Variants in ACSS2 observed in about 807,000 individuals in gnomAD.
ACSS2 encodes the protein acetyl-coenzyme A synthetase, cytoplasmic.
In ACSS2, 58 loss-of-function variants were observed where a neutral mutation model predicts 90.6. The ratio of observed to expected loss-of-function variants is 0.64; its 90% CI spans 0.52 to 0.80. The LOEUF is 0.80. Ranked by LOEUF, ACSS2 falls within the 30% of genes least tolerant of loss-of-function variation. The probability of loss-of-function intolerance (pLI) is 0.00; values close to 1 mark genes in which losing one functional copy is unlikely to be tolerated. For missense variants in ACSS2, 759 were observed against 912.0 expected, an observed-to-expected ratio of 0.83 and a Z score of 2.16; for synonymous variants, 300 against 330.9, an observed-to-expected ratio of 0.91 and a Z score of 1.01.
Position 34,920,541 on chromosome 20 carries a change from T to A in ACSS2, c.975T>A (p.Gly325=). The A allele has an allele frequency of 1.2e-6, 2 of 1,613,626 alleles. No homozygotes were observed. Among genetic ancestry groups the A allele is most frequent in the Non-Finnish European group, 1.7e-6 (2 of 1,179,900 alleles). ...CCTGTTCCCCATTCTTCCCACAGGG[T>A]GTGGTTCACACAGTTGGGGGCTACA... is the stretch of plus-strand genomic sequence containing the variant. ...YTSGSTGKPK[G]VVHTVGGYML... is the part of the protein sequence containing the mutation. The change falls in exon 9 of 18, where the codon GGT becomes GGA. Residue 325 remains glycine (G), a splice_region_variant and synonymous_variant. Coordinates refer to ENST00000360596, the MANE Select transcript of ACSS2 (RefSeq NM_018677.4).
In ACSS2 at chr20:34,921,542, A is replaced by T; in HGVS notation, c.1411-2A>T. 1 of 1,614,202 alleles carries T rather than the reference A, an allele frequency of 6.2e-7. No individual in the cohort carries two copies. The highest frequency in any genetic ancestry group is 8.5e-7 in the Non-Finnish European group (1 of 1,180,030). ...CAAATTTCTCATCTCTGACTTCCCCAGGGTGGCCACATGTTGACTCCCCTT... is the reference window on the plus strand; with the variant it reads ...CAAATTTCTCATCTCTGACTTCCCCTGGGTGGCCACATGTTGACTCCCCTT... On this transcript the variant is annotated splice_acceptor_variant, in intron 11 of 17. Coordinates refer to ENST00000360596, the MANE Select transcript of ACSS2 (RefSeq NM_018677.4). LOFTEE classifies it high-confidence loss of function.
Position 34,923,448 on chromosome 20 carries a change from C to A in ACSS2, c.1657+17C>A. 1.3e-6 allele frequency: 2 copies of A among 1,583,934 alleles called. No homozygotes were observed. Among genetic ancestry groups the A allele is most frequent in the Non-Finnish European group, 1.7e-6 (2 of 1,153,054 alleles). On this transcript the variant is annotated intron_variant, in intron 14 of 17. Transcript: ENST00000360596. ...CAGGAGATGGTGAGCCTTAGCTATC[C>A]CCCTCTTGCACCTCCCACTAAGACA...
intron 1 of ACSS2, among the ~76,000 whole-genome samples, chr20:34,877,098 G>A (rs1406297998): frequency 2.0e-5 from 3 of 152,138 alleles, no homozygotes; most frequent in African/African-American, 7.2e-5. Flanking sequence ...AAGAAGTGAG[G>A]TTCCTTGAGA....
intron 8 of ACSS2, among the ~76,000 whole-genome samples, chr20:34,920,103 C>T (rs968900825): frequency 3.3e-5 from 5 of 152,174 alleles, no homozygotes; most frequent in Non-Finnish European, 4.4e-5. Flanking sequence ...CTCAATAAGT[C>T]TTTAGAAACA....
At chr20:34,910,768 T>C (rs1368805749) in intron 2 of ACSS2, among the ~76,000 whole-genome samples, 1 of 152,214 alleles carries the variant, frequency 6.6e-6, no homozygotes, top group Non-Finnish European at 1.5e-5. Flanking sequence ...CCCACTTGTA[T>C]GTATTACTTA....
upstream of ACSS2, chr20:34,876,398 G>T (rs2079906821): frequency 5.5e-6 from 2 of 362,026 alleles, no homozygotes; most frequent in Non-Finnish European, 9.7e-6. Context: ...CACTCCTTCC[G>T]GCAAGTCAGC....
intron 7 of ACSS2, among the ~76,000 whole-genome samples, chr20:34,919,106 C>T (rs545316758): frequency 6.6e-6 from 1 of 152,166 alleles, no homozygotes; most frequent in East Asian, 1.9e-4. Flanking sequence ...CTATCAGATA[C>T]TGTTCAGGTA....
In ACSS2 at chr20:34,919,522, G is replaced by A. The variant is rs180979040; in HGVS notation, c.922G>A (p.Glu308Lys). 30 of 1,612,136 alleles carry A rather than the reference G, an allele frequency of 1.9e-5. No individual in the cohort carries two copies. The highest frequency in any genetic ancestry group is 2.1e-4 in the Middle Eastern group (1 of 4,748). ...DECEPEWCDA[E>K]DPLFILYTSG... The stretch of plus-strand genomic sequence containing the variant: ...GTGTGAGCCCGAGTGGTGTGATGCC[G>A]AGGACCCACTCTTCATCCTGTACAC... The change falls in exon 8 of 18, where the codon GAG becomes AAG. Residue 308 changes from glutamate (E) to lysine (K), a missense_variant. By Grantham distance (56) the Glu-to-Lys change is moderately conservative. Coordinates refer to ENST00000360596, the MANE Select transcript of ACSS2 (RefSeq NM_018677.4).
chr20:34,921,171 G>T (rs759498841), intron 10 of ACSS2, 32 bp downstream of exon 10: 3 of 1,613,890 alleles, frequency 1.9e-6, no homozygotes, highest in African/African-American at 2.7e-5. Flanking sequence ...TGCCCTGTGG[G>T]TATCCCTCAG....
rs906425397 is a variant in ACSS2, at chr20:34,898,416, G to C, written c.375-14680G>C. Among the ~76,000 whole-genome samples, 4 of 152,114 alleles carry C rather than the reference G, an allele frequency of 2.6e-5. No individual in the cohort carries two copies. In the East Asian group the frequency reaches 5.8e-4, roughly 22 times the overall value. Reference sequence around the variant, plus strand: ...GCTAGATACAGAGTGCCAACACAAAGGTTCTCCAAGTCCCCACCAGAGTAG... The same window carrying C: ...GCTAGATACAGAGTGCCAACACAAACGTTCTCCAAGTCCCCACCAGAGTAG... On this transcript the variant is annotated intron_variant, in intron 2 of 17. Transcript: ENST00000360596.
At position 34,883,004 on chromosome 20, in the gene ACSS2, C is replaced by T; in HGVS notation, c.374+15C>T. On this transcript the variant is annotated intron_variant, in intron 2 of 17. Transcript: ENST00000360596. ...GCTTTTTACTGGTAAAAATATCTAT[C>T]TTATACTTGGTGGCAGATAAAAACA... The T allele has an allele frequency of 6.3e-7, 1 of 1,584,038 alleles. No homozygotes were observed. Among genetic ancestry groups the T allele is most frequent in the Non-Finnish European group, 8.6e-7 (1 of 1,163,398 alleles).
chr20:34,920,566 A>G lies in ACSS2; in HGVS notation c.1000A>G (p.Met334Val), dbSNP rs1392308716. The G allele has an allele frequency of 4.3e-6, 7 of 1,614,018 alleles. No individual in the cohort carries two copies. Among genetic ancestry groups the G allele is most frequent in the Non-Finnish European group, 5.9e-6 (7 of 1,180,012 alleles). Residue 334 changes from methionine to valine, a missense_variant, in exon 9 of 18, where the codon ATG becomes GTG. Physicochemically the swap from Met to Val is conservative, Grantham distance 21 (BLOSUM62 1). Transcript: ENST00000360596. ...TGTGGTTCACACAGTTGGGGGCTAC[A>G]TGCTCTATGTAGCCACAACCTTCAA... is the stretch of plus-strand genomic sequence containing the variant. ...KGVVHTVGGY[M>V]LYVATTFKYV...
chr20:34,908,061 C>G (rs776732731), intron 2 of ACSS2, among the ~76,000 whole-genome samples: 8 of 152,286 alleles, frequency 5.3e-5, no homozygotes, highest in Non-Finnish European at 1.2e-4. Flanking sequence ...AATAATCTCT[C>G]TAGGTTTCAG....
At chr20:34,887,172 A>C (rs1369363970) in intron 2 of ACSS2, among the ~76,000 whole-genome samples, 2 of 152,254 alleles carry the variant, frequency 1.3e-5, no homozygotes, top group Non-Finnish European at 1.5e-5. Flanking sequence ...GGGACAAAGA[A>C]GCTAAGTGAT....
chr20:34,884,303 T>C (rs1326783016), intron 2 of ACSS2, among the ~76,000 whole-genome samples: 1 of 152,230 alleles, frequency 6.6e-6, no homozygotes, highest in Non-Finnish European at 1.5e-5. Context: ...GGATGCTTCA[T>C]GGGAGAGTTA....
chr20:34,916,178 A>G (rs553721352), intron 7 of ACSS2, among the ~76,000 whole-genome samples: 1 of 152,094 alleles, frequency 6.6e-6, no homozygotes, highest in South Asian at 2.1e-4. Context: ...TTTCCTTTTA[A>G]AACTCAGGCA....
chr20:34,927,221 T>G lies in ACSS2; in HGVS notation c.*7T>G, dbSNP rs1423890514. 2 of 1,613,070 alleles carry G rather than the reference T, an allele frequency of 1.2e-6. No individual in the cohort carries two copies. Among genetic ancestry groups the G allele is most frequent in the East Asian group, 4.5e-5 (2 of 44,880 alleles). On this transcript the variant is annotated 3_prime_UTR_variant, in exon 18 of 18. Coordinates refer to ENST00000360596, the MANE Select transcript of ACSS2 (RefSeq NM_018677.4). This position sits in a 1 kb window ranked among gnomAD's most constrained non-coding sequence, Gnocchi z 4.2. The stretch of plus-strand genomic sequence containing the variant: ...CTGCCTGACCATCCAGTGAACATGA[T>G]CCTGACCTTTACCTAGGATTCCTCC...
chr20:34,878,967 C>T (rs2079995588), intron 1 of ACSS2, among the ~76,000 whole-genome samples: 2 of 146,260 alleles, frequency 1.4e-5, no homozygotes, highest in South Asian at 4.3e-4. Flanking sequence ...TGCAGTGGCG[C>T]GATCTCGGCT....
Position 34,925,724 on chromosome 20 carries a change from T to C in ACSS2, c.1684T>C (p.Tyr562His). The stretch of plus-strand genomic sequence containing the variant: ...CTGCCAGCGGGACCAGGATGGCTAT[T>C]ACTGGATCACTGGCAGGATTGATGA... Reference protein sequence around the residue: ...DGCQRDQDGYYWITGRIDDML... With the variant: ...DGCQRDQDGYHWITGRIDDML... Residue 562 changes from tyrosine (Y) to histidine (H), a missense_variant, in exon 15 of 18, where the codon TAC becomes CAC. Physicochemically the swap from Tyr to His is moderately conservative, Grantham distance 83 (BLOSUM62 2). Transcript: ENST00000360596. 6.2e-7 allele frequency: 1 copy of C among 1,613,850 alleles called. No homozygotes were observed. The highest frequency in any genetic ancestry group is 1.7e-5 in the Admixed American group (1 of 59,990).
Sources: gnomAD v4.1 joint callset for allele counts (sites outside exome capture counted in the v4.1 genomes callset) on GRCh38, gnomAD v4.1.1 for gene constraint, Gnocchi (gnomAD v3.1) non-coding constraint, MANE v1.5 for transcripts, NCBI Gene and HGNC (gene_info 2026-07-23, HGNC 2026-07-21) for gene names.